Variants in CTNNBL1 observed in about 807,000 individuals in gnomAD.
The protein encoded by CTNNBL1 is catenin beta like 1.
Under a neutral mutation model 72.7 loss-of-function variants are expected in CTNNBL1, and 31 were observed. The observed-to-expected ratio is 0.43, with a 90% CI of 0.32 to 0.58. CTNNBL1 has a LOEUF of 0.58. CTNNBL1 is among the 20% of genes least tolerant of loss of function. The probability of loss-of-function intolerance (pLI) is 0.08; values close to 1 mark genes in which losing one functional copy is unlikely to be tolerated. For missense variants in CTNNBL1, 534 were observed against 725.1 expected, an observed-to-expected ratio of 0.74 and a Z score of 3.03; for synonymous variants, 240 against 267.3, an observed-to-expected ratio of 0.90 and a Z score of 1.00.
chr20:37,809,492 G>T (rs2071990498), intron 11 of CTNNBL1, among the ~76,000 whole-genome samples: 1 of 152,168 alleles, frequency 6.6e-6, no homozygotes, highest in Non-Finnish European at 1.5e-5. Context: ...TCATTGTGAG[G>T]CTCATTGAAA....
At chr20:37,736,619 C>A (rs992713312) in intron 2 of CTNNBL1, among the ~76,000 whole-genome samples, 1 of 152,090 alleles carries the variant, frequency 6.6e-6, no homozygotes, top group Non-Finnish European at 1.5e-5. Context: ...CGGCTCACTG[C>A]AACCTCTGCT....
intron 7 of CTNNBL1, among the ~76,000 whole-genome samples, chr20:37,769,288 G>A (rs1019615445): frequency 1.3e-5 from 2 of 152,148 alleles, no homozygotes; most frequent in Non-Finnish European, 2.9e-5. Flanking sequence ...TAGGCCAAAG[G>A]CTATGCACCT....
Position 37,842,349 on chromosome 20 carries a change from T to C in CTNNBL1, c.1322T>C (p.Leu441Pro), listed in dbSNP as rs1473180095. 6.2e-7 allele frequency: 1 copy of C among 1,612,862 alleles called. No homozygotes were observed. ...TENDSEKVDR[L>P]MELHFKYLGA... Reference sequence around the variant, plus strand: ...AAATCTCTCTTTCAGGTTGACAGACTAATGGAGTTGCATTTTAAATATCTG... The same window carrying C: ...AAATCTCTCTTTCAGGTTGACAGACCAATGGAGTTGCATTTTAAATATCTG... The change falls in exon 13 of 16, where the codon CTA becomes CCA. Residue 441 changes from leucine to proline, a missense_variant. By Grantham distance (98) the Leu-to-Pro change is moderately conservative. Transcript: ENST00000361383.
Position 37,718,624 on chromosome 20 carries a change from T to C in CTNNBL1, c.31-14255T>C, listed in dbSNP as rs543659665. Among the ~76,000 whole-genome samples, 20 of 152,124 alleles carry C rather than the reference T, an allele frequency of 1.3e-4. No homozygotes were observed. The South Asian group carries it at 3.7e-3, about 28-fold the overall frequency. On this transcript the variant is annotated intron_variant, in intron 1 of 15. Coordinates refer to ENST00000361383, the MANE Select transcript of CTNNBL1 (RefSeq NM_030877.5). The stretch of plus-strand genomic sequence containing the variant: ...CCACCTCCCTCCCGGACGGGGCGGC[T>C]GGCCAGGCGGGGGGCTGACCACCCC...
chr20:37,726,889 A>G (rs1308242981), intron 1 of CTNNBL1, among the ~76,000 whole-genome samples: 3 of 152,162 alleles, frequency 2.0e-5, no homozygotes, highest in Non-Finnish European at 4.4e-5. Context: ...GTGTTTTCAT[A>G]ATTTATCATA....
At position 37,860,340 on chromosome 20, in the gene CTNNBL1, C is replaced by T; in HGVS notation, c.1599C>T (p.Ile533=). The change falls in exon 15 of 16, where the codon ATC becomes ATT. Residue 533 remains isoleucine (I), a synonymous_variant. Coordinates refer to ENST00000361383, the MANE Select transcript of CTNNBL1 (RefSeq NM_030877.5). ...CCATCAAAATTGTCAGGCATATCAT[C>T]AAGGGTGAGTTGGATGCTACTCATG... ...GSSIKIVRHI[I]KEYAENIGDG... 1 of 1,612,316 alleles carries T rather than the reference C, an allele frequency of 6.2e-7. No individual in the cohort carries two copies. The highest frequency in any genetic ancestry group is 8.5e-7 in the Non-Finnish European group (1 of 1,178,352).
chr20:37,784,688 C>T (rs544113886), intron 10 of CTNNBL1, among the ~76,000 whole-genome samples: 17 of 152,292 alleles, frequency 1.1e-4, no homozygotes, highest in East Asian at 9.6e-4. Flanking sequence ...TCTTATTATA[C>T]GGTCTATGTC....
chr20:37,811,758 G>A (rs548502616), intron 11 of CTNNBL1, among the ~76,000 whole-genome samples: 2 of 152,312 alleles, frequency 1.3e-5, no homozygotes, highest in Admixed American at 6.5e-5. Flanking sequence ...GTTCTCTTTC[G>A]AGGGAGTGGG....
intron 10 of CTNNBL1, among the ~76,000 whole-genome samples, chr20:37,792,137 A>G (rs991782992): frequency 1.3e-5 from 2 of 152,164 alleles, no homozygotes; most frequent in East Asian, 3.9e-4. Flanking sequence ...AATCAGTAGA[A>G]TCTGTATTTG....
At chr20:37,700,941 C>G (rs1490404487) in intron 1 of CTNNBL1, among the ~76,000 whole-genome samples, 2 of 152,146 alleles carry the variant, frequency 1.3e-5, no homozygotes, top group African/African-American at 4.8e-5. Flanking sequence ...ACAGAAATAT[C>G]TAAACTTGCT....
chr20:37,719,100 A>T (rs961865669), intron 1 of CTNNBL1, among the ~76,000 whole-genome samples: 3 of 152,178 alleles, frequency 2.0e-5, no homozygotes, highest in African/African-American at 7.2e-5. Context: ...TGGAAAATTT[A>T]CCAGATTATA....
At chr20:37,721,409 C>T (rs1286671895) in intron 1 of CTNNBL1, among the ~76,000 whole-genome samples, 1 of 152,148 alleles carries the variant, frequency 6.6e-6, no homozygotes, top group Non-Finnish European at 1.5e-5. Flanking sequence ...TTAAGGTACC[C>T]TGTGAGTGTT....
At position 37,835,273 on chromosome 20, in the gene CTNNBL1, C is replaced by T. The variant is rs1032247457; in HGVS notation, c.1214-4829C>T. ...CCTTCAACCTGCAGATAACAGATCACGGGCCTTCTCAGTCTCCATAATTGC... is the reference window on the plus strand; with the variant it reads ...CCTTCAACCTGCAGATAACAGATCATGGGCCTTCTCAGTCTCCATAATTGC... On this transcript the variant is annotated intron_variant, in intron 11 of 15. Coordinates refer to ENST00000361383, the MANE Select transcript of CTNNBL1 (RefSeq NM_030877.5). Among the ~76,000 whole-genome samples, 7 of 152,322 alleles carry T rather than the reference C, an allele frequency of 4.6e-5. No homozygotes were observed. In the South Asian group the frequency reaches 8.3e-4, roughly 18 times the overall value.
intron 1 of CTNNBL1, among the ~76,000 whole-genome samples, chr20:37,705,893 A>G (rs572626617): frequency 6.6e-6 from 1 of 152,172 alleles, no homozygotes; most frequent in Admixed American, 6.5e-5. Context: ...TCAGCCATTT[A>G]CCTCTTTAGT....
chr20:37,765,297 G>A lies in CTNNBL1; in HGVS notation c.658+7G>A. 6.5e-7 allele frequency: 1 copy of A among 1,534,714 alleles called. No individual in the cohort carries two copies. The highest frequency in any genetic ancestry group is 8.8e-7 in the Non-Finnish European group (1 of 1,131,556). On this transcript the variant is annotated splice_region_variant and intron_variant, in intron 6 of 15. Transcript: ENST00000361383. ...GGCGTCCACAACACTCTGGGTGAGA[G>A]GAAGGGTGCTTGCCATTGCCTGAGT...
intron 5 of CTNNBL1, among the ~76,000 whole-genome samples, chr20:37,760,106 T>TA (rs2073401971): frequency 6.6e-6 from 1 of 152,230 alleles, no homozygotes; most frequent in African/African-American, 2.4e-5. Flanking sequence ...CCACTGCTGT[T>TA]ACTTACGCAA....
intron 7 of CTNNBL1, among the ~76,000 whole-genome samples, chr20:37,773,640 G>A (rs2073545669): frequency 6.6e-6 from 1 of 152,142 alleles, no homozygotes; most frequent in African/African-American, 2.4e-5. Context: ...ATCTCTGGCT[G>A]GGATTTAAAC....
chr20:37,718,230 C>G lies in CTNNBL1; in HGVS notation c.31-14649C>G, dbSNP rs1276558058. Among the ~76,000 whole-genome samples the G allele has an allele frequency of 2.1e-5, 3 of 144,528 alleles. No individual in the cohort carries two copies. The Admixed American group carries it at 2.1e-4, about 10-fold the overall frequency. The allele number at this position is 144,528 out of a possible 152,430, so 94.8% of individuals were successfully genotyped here. On this transcript the variant is annotated intron_variant, in intron 1 of 15. Coordinates refer to ENST00000361383, the MANE Select transcript of CTNNBL1 (RefSeq NM_030877.5). ...CTCCGGGACGGGGCGGCTGGCCGGG[C>G]GGGGGGCTGACCCCCCCACCTCCCT...
chr20:37,860,081 T>C, intron 14 of CTNNBL1, 45 bp downstream of exon 14: 1 of 1,594,974 alleles, frequency 6.3e-7, no homozygotes, highest in Non-Finnish European at 8.5e-7. Flanking sequence ...CCCTGCCTCC[T>C]TCCTCGCCAG....
Sources: allele counts gnomAD v4.1 joint callset (sites outside exome capture counted in the v4.1 genomes callset), GRCh38; gene constraint gnomAD v4.1.1; transcripts MANE v1.5; gene names NCBI Gene and HGNC (gene_info 2026-07-23, HGNC 2026-07-21).